The following CDH4 variants were observed in gnomAD, a reference collection of about 807,000 sequenced individuals.
CDH4 encodes cadherin-4.
CDH4 carries 33 observed loss-of-function variants against 86.0 expected under a neutral mutation model. That is an observed-to-expected ratio of 0.38 (90% CI 0.29 to 0.51). The LOEUF (loss-of-function observed/expected upper bound fraction) is 0.51, where lower values mean the gene tolerates loss of function less well. Among genes scored for constraint, CDH4 ranks in the 20% least tolerant of loss-of-function variants. CDH4 has a pLI of 0.86. For missense variants in CDH4, 1,114 were observed against 1,307.4 expected (o/e 0.85, Z 2.28); for synonymous variants, 555 against 549.4 (o/e 1.01, Z -0.14).
intron 1 of CDH4, among the ~76,000 whole-genome samples, chr20:61,254,270 G>A (rs2084084843): frequency 6.6e-6 from 1 of 152,172 alleles, no homozygotes; most frequent in Non-Finnish European, 1.5e-5. Context: ...GCAGCCTCCC[G>A]CAGAGCTGCC....
chr20:61,288,661 A>G (rs891363419), intron 2 of CDH4, among the ~76,000 whole-genome samples: 1 of 152,208 alleles, frequency 6.6e-6, no homozygotes, highest in Non-Finnish European at 1.5e-5. Flanking sequence ...GAGAGGGAGC[A>G]TTACCGTCAG....
At chr20:61,816,165 T>C (rs961223246) in intron 4 of CDH4, among the ~76,000 whole-genome samples, 11 of 152,178 alleles carry the variant, frequency 7.2e-5, no homozygotes, top group South Asian at 2.1e-4. Flanking sequence ...AAGCAGGTTA[T>C]CTCCAGGAGG....
chr20:61,318,652 A>G (rs2084491269), intron 2 of CDH4, among the ~76,000 whole-genome samples: 1 of 152,218 alleles, frequency 6.6e-6, no homozygotes. Context: ...CTCAGTCAGA[A>G]TACATGCTCA....
At chr20:61,706,855 T>C (rs1344197435) in intron 2 of CDH4, among the ~76,000 whole-genome samples, 1 of 152,214 alleles carries the variant, frequency 6.6e-6, no homozygotes, top group Non-Finnish European at 1.5e-5. Context: ...ATTAGCCGCA[T>C]GACCCTCTGT....
intron 2 of CDH4, among the ~76,000 whole-genome samples, chr20:61,667,304 C>G (rs1284265611): frequency 6.6e-6 from 1 of 152,200 alleles, no homozygotes; most frequent in African/African-American, 2.4e-5. Flanking sequence ...GCACATCCCG[C>G]CCACCCTGGG....
At chr20:61,424,595 C>T (rs1391732024) in intron 2 of CDH4, among the ~76,000 whole-genome samples, 1 of 152,240 alleles carries the variant, frequency 6.6e-6, no homozygotes, top group African/African-American at 2.4e-5. Flanking sequence ...CTTGTCTCCT[C>T]CTGGGTCTCT....
At chr20:61,723,930 GGGGGTAGGTCCCCA>G (rs1568778769) in intron 2 of CDH4, among the ~76,000 whole-genome samples, 2 of 103,340 alleles carry the variant, frequency 1.9e-5, no homozygotes, top group South Asian at 3.9e-4. Flanking sequence ...CATGTGGCAG[GGGGGTAGGTCCCCA>G]TGCAGGGGGC....
Position 61,285,128 on chromosome 20 carries a change from G to A in CDH4, c.169+30191G>A, listed in dbSNP as rs141031695. ...TTGTTTTCAGCACTTAGAGGAAAAC[G>A]GCCCCTGGCCGACAGCCAAGGCTCT... On this transcript the variant is annotated intron_variant, in intron 2 of 15. Transcript: ENST00000614565. Among the ~76,000 whole-genome samples, 66 of 151,944 alleles carry A rather than the reference G, an allele frequency of 4.3e-4. No individual in the cohort carries two copies. The East Asian group carries it at 0.011, about 26-fold the overall frequency.
At chr20:61,565,063 T>C (rs1600762851) in intron 2 of CDH4, among the ~76,000 whole-genome samples, 1 of 64,388 alleles carries the variant, frequency 1.6e-5, no homozygotes, top group Non-Finnish European at 2.6e-5. Context: ...GTGGTGCTCT[T>C]GGTGGTGGTG....
At chr20:61,733,402 G>A (rs906989198) in intron 2 of CDH4, among the ~76,000 whole-genome samples, 16 of 152,064 alleles carry the variant, frequency 1.1e-4, no homozygotes, top group African/African-American at 3.6e-4. Context: ...TGCTGTTCCC[G>A]CATCAAAGCA....
rs539685411 is a variant in CDH4 at position 61,681,166 on chromosome 20, C to T, written c.170-62397C>T. 5.9e-5 allele frequency among the ~76,000 whole-genome samples: 9 copies of T among 152,162 alleles called. No individual in the cohort carries two copies. The highest frequency in any genetic ancestry group is 2.1e-4 in the South Asian group (1 of 4,824). On this transcript the variant is annotated intron_variant, in intron 2 of 15. Coordinates refer to ENST00000614565, the MANE Select transcript of CDH4 (RefSeq NM_001794.5). The surrounding 1 kb of genome is among the most constrained non-coding windows in gnomAD (Gnocchi z 4.5). Reference sequence around the variant, plus strand: ...AATGTCTCTGCAAGGGTAAAACACCCGCCCTCACGTCCTAATGGCTTTTTT... The same window carrying T: ...AATGTCTCTGCAAGGGTAAAACACCTGCCCTCACGTCCTAATGGCTTTTTT...
At chr20:61,798,064 C>CT (rs1180709324) in intron 4 of CDH4, among the ~76,000 whole-genome samples, 1 of 152,228 alleles carries the variant, frequency 6.6e-6, no homozygotes, top group African/African-American at 2.4e-5. Context: ...GCCAGCCTCT[C>CT]TGAGTCTCGC....
chr20:61,651,599 C>A (rs2087121434), intron 2 of CDH4, among the ~76,000 whole-genome samples: 2 of 152,180 alleles, frequency 1.3e-5, no homozygotes, highest in African/African-American at 4.8e-5. Context: ...ATTTAGTTGC[C>A]CTGTTACCTC....
Position 61,704,409 on chromosome 20 carries a change from C to G in CDH4, c.170-39154C>G, listed in dbSNP as rs570081005. Among the ~76,000 whole-genome samples, 125 of 152,252 alleles carry G rather than the reference C, an allele frequency of 8.2e-4. 2 individuals are homozygous for G. Among genetic ancestry groups the G allele is most frequent in the African/African-American group, 2.9e-3 (120 of 41,562 alleles). ...AGGTCAGGCAGCCTTGTGGGGCGCT[C>G]TCGTTAAAGCTGGAACCTGCTCTGG... is the stretch of plus-strand genomic sequence containing the variant. On this transcript the variant is annotated intron_variant, in intron 2 of 15. Transcript: ENST00000614565.
intron 4 of CDH4, among the ~76,000 whole-genome samples, chr20:61,800,392 G>A (rs73917518): frequency 0.023 from 3,546 of 152,292 alleles, 129 homozygotes; most frequent in African/African-American, 0.08. Context: ...CATGCCCGCC[G>A]CAGGGCTGAC....
intron 8 of CDH4, among the ~76,000 whole-genome samples, 172 bp from the exon 9 acceptor site, chr20:61,910,250 A>G (rs1362849595): frequency 2.7e-5 from 4 of 149,992 alleles, no homozygotes; most frequent in Non-Finnish European, 3.0e-5. Context: ...GTTTGTGAAC[A>G]CTCGTTGAGC....
intron 2 of CDH4, among the ~76,000 whole-genome samples, chr20:61,624,881 T>G (rs904921553): frequency 7.9e-5 from 12 of 152,178 alleles, no homozygotes; most frequent in African/African-American, 2.9e-4. Flanking sequence ...AGGCGCCCCT[T>G]GATCCCAGAA....
chr20:61,841,779 G>A (rs1407063031), intron 4 of CDH4, among the ~76,000 whole-genome samples: 2 of 152,118 alleles, frequency 1.3e-5, no homozygotes, highest in Non-Finnish European at 1.5e-5. Flanking sequence ...GCGCGTGCGC[G>A]CACCGTGGGC....
intron 2 of CDH4, among the ~76,000 whole-genome samples, chr20:61,491,988 G>A (rs11696692): frequency 2.0e-5 from 3 of 151,696 alleles, no homozygotes; most frequent in African/African-American, 7.2e-5. Flanking sequence ...TATTGTTGAT[G>A]TTGGTGGTGT....
Sources: gnomAD v4.1 joint callset for allele counts (sites outside exome capture counted in the v4.1 genomes callset) on GRCh38, gnomAD v4.1.1 for gene constraint, Gnocchi (gnomAD v3.1) non-coding constraint, MANE v1.5 for transcripts, NCBI Gene and HGNC (gene_info 2026-07-23, HGNC 2026-07-21) for gene names.